The following LGI4 variants were observed in gnomAD, a reference collection of about 807,000 sequenced individuals.
LGI4 encodes the protein leucine-rich repeat LGI family member 4.
A neutral mutation model predicts 48.3 loss-of-function variants in LGI4; 36 were observed. That is an observed-to-expected ratio of 0.75 (90% CI 0.57 to 0.98). The LOEUF is 0.98. LGI4 is among the 50% of genes least tolerant of loss of function. The pLI is 0.00. For missense variants in LGI4, 701 were observed against 732.1 expected, an observed-to-expected ratio of 0.96 and a Z score of 0.49; for synonymous variants, 355 against 331.6, an observed-to-expected ratio of 1.07 and a Z score of -0.77.
rs1322104699 is a variant in LGI4 at position 35,126,654 on chromosome 19, T to G, written c.915A>C (p.Pro305=). 1.3e-6 allele frequency: 2 copies of G among 1,537,252 alleles called. No homozygotes were observed. Among genetic ancestry groups the G allele is most frequent in the Non-Finnish European group, 1.7e-6 (2 of 1,147,202 alleles). ...ARPSPGLRLA[P]TQTLAPRRLL... is the part of the protein sequence containing the mutation. ...GCCGCCGCGGGGCCAGGGTCTGCGT[T>G]GGGGCCAGGCGCAGGCCGGGACTGG... is the stretch of plus-strand genomic sequence containing the variant. Residue 305 remains proline (P), a synonymous_variant, in exon 8 of 9, where the codon CCA becomes CCC. Transcript: ENST00000310123.
At chr19:35,134,197 G>A in intron 1 of LGI4, 93 bp from the exon 2 acceptor site, 1 of 1,182,862 alleles carries the variant, frequency 8.5e-7, no homozygotes, top group Admixed American at 2.0e-5. Context: ...ACCCCAGCGT[G>A]CCACCCTGAC....
intron 2 of LGI4, 79 bp from the exon 3 acceptor site, chr19:35,133,843 C>A: frequency 1.4e-6 from 2 of 1,478,828 alleles, no homozygotes; most frequent in South Asian, 1.2e-5. Flanking sequence ...CCACCCTCAG[C>A]CTAGGTGGGC....
intron 3 of LGI4, chr19:35,133,343 T>G: frequency 1.8e-6 from 2 of 1,117,700 alleles, no homozygotes; most frequent in Non-Finnish European, 2.2e-6. Context: ...TTCCTGGTCA[T>G]TTGAAACGTT....
In LGI4 at chr19:35,126,891, T is replaced by A; in HGVS notation, c.755A>T (p.Tyr252Phe). Residue 252 changes from tyrosine to phenylalanine, a missense_variant, in exon 7 of 9, where the codon TAC (tyrosine) becomes TTC (phenylalanine). By Grantham distance (22) the Tyr-to-Phe change is conservative (BLOSUM62 3). Around this residue, in one of 3 missense-constraint regions of LGI4, gnomAD observed 462 missense variants for 436.4 expected, o/e 1.06. Transcript: ENST00000310123. Reference sequence around the variant, plus strand: ...CTCGGGCCGGAAGCGCTGCAGGCTGTAGTCCCAGGAGAGAATCAGGCAGCG... The same window carrying A: ...CTCGGGCCGGAAGCGCTGCAGGCTGAAGTCCCAGGAGAGAATCAGGCAGCG... Reference protein sequence around the residue: ...AGRCLILSWDYSLQRFRPEEE... With the variant: ...AGRCLILSWDFSLQRFRPEEE... 6.2e-7 allele frequency: 1 copy of A among 1,613,448 alleles called. No homozygotes were observed. Among genetic ancestry groups the A allele is most frequent in the Non-Finnish European group, 8.5e-7 (1 of 1,179,872 alleles).
At position 35,131,879 on chromosome 19, in the gene LGI4, G is replaced by A. The variant is rs751518279; in HGVS notation, c.387-19C>T. The A allele has an allele frequency of 8.9e-6, 14 of 1,565,266 alleles. No homozygotes were observed. The highest frequency in any genetic ancestry group is 1.2e-5 in the Non-Finnish European group (14 of 1,154,134). ...CAGGCTTCTGGTGGAGGAAGAGAAGGCACCGTCAGCAGCCACAAGGATACC... is the reference window on the plus strand; with the variant it reads ...CAGGCTTCTGGTGGAGGAAGAGAAGACACCGTCAGCAGCCACAAGGATACC... On this transcript the variant is annotated intron_variant, in intron 4 of 8. Transcript: ENST00000310123.
chr19:35,132,856 C>T (rs745997443), intron 3 of LGI4, among the ~76,000 whole-genome samples: 51 of 152,184 alleles, frequency 3.4e-4, no homozygotes, highest in South Asian at 1.0e-3. Context: ...CACATATTCA[C>T]CCACCACCAG....
chr19:35,124,836 T>G lies in LGI4; in HGVS notation c.*357A>C. ...AGGGACCAGCGGGGTAGGAGCGGGT[T>G]GAGAGGGGGGCTCCGGGACCTCATG... On this transcript the variant is annotated 3_prime_UTR_variant, in exon 9 of 9. Coordinates refer to ENST00000310123, the MANE Select transcript of LGI4 (RefSeq NM_139284.3). The G allele has an allele frequency of 5.1e-6, 1 of 196,150 alleles. No homozygotes were observed. 12.2% of individuals were successfully genotyped at this position (196,150 alleles called of 1,614,324 possible).
In LGI4 at chr19:35,134,764, C is replaced by CT. The variant is rs1568398375; in HGVS notation, c.-85_-84insA. The CT allele has an allele frequency of 4.3e-6, 3 of 693,620 alleles. No homozygotes were observed. The highest frequency in any genetic ancestry group is 1.8e-5 in the African/African-American group (1 of 54,470). The allele number at this position is 693,620 out of a possible 1,614,324, so 43.0% of individuals were successfully genotyped here. A position where few individuals can be genotyped will look rare whatever the true frequency, so the allele number is the denominator to read the frequency against. ...CACTACGTCTCCTCCTCCACCAGGC[C>CT]GCCCTCCATCCGCCTGCTGGCACGC... On this transcript the variant is annotated 5_prime_UTR_variant, in exon 1 of 9. An upstream open reading frame in the 5' UTR loses its in-frame stop. Transcript: ENST00000310123.
rs555914889 is a variant in LGI4, at chr19:35,130,497, C to T, written c.628+889G>A. Among the ~76,000 whole-genome samples, 15 of 152,198 alleles carry T rather than the reference C, an allele frequency of 9.9e-5. No homozygotes were observed. In the East Asian group the frequency reaches 2.9e-3, roughly 29 times the overall value. ...GCCAGAAGTTCAAGACCAGCCTAGG[C>T]AACGTAGCATCTCCCAGACCCTATC... On this transcript the variant is annotated intron_variant, in intron 6 of 8. Transcript: ENST00000310123.
At position 35,134,797 on chromosome 19, in the gene LGI4, T is replaced by C; in HGVS notation, c.-117A>G. On this transcript the variant is annotated 5_prime_UTR_variant, in exon 1 of 9. Coordinates refer to ENST00000310123, the MANE Select transcript of LGI4 (RefSeq NM_139284.3). ...ATCCGCCTGCTGGCACGCTCGGCCC[T>C]GGCTTCTCTCTCCTCTTCTCCGTCT... 1 of 591,740 alleles carries C rather than the reference T, an allele frequency of 1.7e-6. No individual in the cohort carries two copies. Among genetic ancestry groups the C allele is most frequent in the South Asian group, 2.1e-5 (1 of 48,718 alleles). The allele number at this position is 591,740 out of a possible 1,614,324, so 36.7% of individuals were successfully genotyped here. A position where few individuals can be genotyped will look rare whatever the true frequency, so the allele number is the denominator to read the frequency against.
Position 35,134,776 on chromosome 19 carries a change from G to T in LGI4, c.-96C>A. On this transcript the variant is annotated 5_prime_UTR_variant, in exon 1 of 9. Coordinates refer to ENST00000310123, the MANE Select transcript of LGI4 (RefSeq NM_139284.3). The stretch of plus-strand genomic sequence containing the variant: ...TCCTCCACCAGGCCGCCCTCCATCC[G>T]CCTGCTGGCACGCTCGGCCCTGGCT... 3 of 633,750 alleles carry T rather than the reference G, an allele frequency of 4.7e-6. No homozygotes were observed. Among genetic ancestry groups the T allele is most frequent in the Admixed American group, 3.3e-5 (1 of 30,618 alleles). The allele number at this position is 633,750 out of a possible 1,614,324, so 39.3% of individuals were successfully genotyped here.
chr19:35,131,031 A>G (rs2065170718), intron 6 of LGI4: 1 of 580,052 alleles, frequency 1.7e-6, no homozygotes, highest in Non-Finnish European at 3.0e-6. Context: ...AATGTAAAGG[A>G]GGTGACATTG....
chr19:35,131,785 T>G lies in LGI4; in HGVS notation c.458+4A>C. The stretch of plus-strand genomic sequence containing the variant: ...CCCACATTCCCAGCCCCCATGAGCC[T>G]CACACATGAGTAAGGGTGTCCAGGC... On this transcript the variant is annotated splice_donor_region_variant and intron_variant, in intron 5 of 8. Transcript: ENST00000310123. 6.5e-7 allele frequency: 1 copy of G among 1,548,580 alleles called. No homozygotes were observed. Among genetic ancestry groups the G allele is most frequent in the Non-Finnish European group, 8.8e-7 (1 of 1,141,746 alleles).
intron 4 of LGI4, 55 bp downstream of exon 4, chr19:35,131,916 G>T (rs527974677): frequency 1.3e-6 from 2 of 1,563,714 alleles, no homozygotes; most frequent in Non-Finnish European, 8.7e-7. Context: ...TGTGTTCCCT[G>T]GGGGGTGGAG....
intron 3 of LGI4, among the ~76,000 whole-genome samples, chr19:35,132,419 C>T (rs1376109599): frequency 2.0e-5 from 3 of 151,670 alleles, no homozygotes; most frequent in African/African-American, 7.3e-5. Context: ...TGCCATTATC[C>T]CCAACACCAT....
At chr19:35,134,442 A>G in intron 1 of LGI4, 69 bp downstream of exon 1, 3 of 1,485,420 alleles carry the variant, frequency 2.0e-6, no homozygotes, top group South Asian at 2.5e-5. Flanking sequence ...ACCCGGCACC[A>G]CATCCCAACC....
chr19:35,126,688 C>T lies in LGI4; in HGVS notation c.881G>A (p.Trp294Ter). Residue 294 changes from tryptophan to a stop codon, truncating the protein, a stop_gained, in exon 8 of 9, where the codon TGG (tryptophan) becomes TAG (stop). Coordinates refer to ENST00000310123, the MANE Select transcript of LGI4 (RefSeq NM_139284.3). LOFTEE classifies it high-confidence loss of function. ...AARLWGGSQL[W>*]ARPSPGLRLA... ...GCGCAGGCCGGGACTGGGCCGGGCC[C>T]ACAGCTGTGAGCCCCCCCACAGGCG... 6.5e-7 allele frequency: 1 copy of T among 1,536,738 alleles called. No individual in the cohort carries two copies. Among genetic ancestry groups the T allele is most frequent in the Non-Finnish European group, 8.7e-7 (1 of 1,146,666 alleles).
chr19:35,126,455 G>C lies in LGI4; in HGVS notation c.1114C>G (p.Leu372Val). 6.3e-7 allele frequency: 1 copy of C among 1,587,468 alleles called. No homozygotes were observed. Among genetic ancestry groups the C allele is most frequent in the African/African-American group, 1.3e-5 (1 of 74,822 alleles). ...HRDTDAEALELDGRPHLLLAS... is the reference protein window; with the variant it reads ...HRDTDAEALEVDGRPHLLLAS... ...AGCAGCAGGTGGGGCCGGCCGTCCA[G>C]CTCCAGGGCCTCAGCGTCCGTGTCC... Residue 372 changes from leucine (L) to valine (V), a missense_variant, in exon 8 of 9, where the codon CTG becomes GTG. Transcript: ENST00000310123.
At chr19:35,126,807 G>T in intron 7 of LGI4, 32 bp from the exon 8 acceptor site, 1 of 1,588,582 alleles carries the variant, frequency 6.3e-7, no homozygotes, top group South Asian at 1.1e-5. Flanking sequence ...GGTCAGGCCA[G>T]CCAGGCAGGC....
Sources: allele counts gnomAD v4.1 joint callset (sites outside exome capture counted in the v4.1 genomes callset), GRCh38; gene constraint gnomAD v4.1.1; regional missense constraint gnomAD v4.1.1; transcripts MANE v1.5; gene names NCBI Gene and HGNC (gene_info 2026-07-23, HGNC 2026-07-21).